The following SFXN2 variants were observed in gnomAD, a reference collection of about 807,000 sequenced individuals.
SFXN2 encodes sideroflexin-2.
A neutral mutation model predicts 41.9 loss-of-function variants in SFXN2; 37 were observed. That is an observed-to-expected ratio of 0.88 (90% CI 0.68 to 1.16). The LOEUF (loss-of-function observed/expected upper bound fraction) is 1.16. Among genes scored for constraint, SFXN2 ranks in the 50% most tolerant of loss-of-function variants. The pLI is 0.00. For synonymous variants in SFXN2, 150 were observed against 156.7 expected, an observed-to-expected ratio of 0.96 and a Z score of 0.32; for missense variants, 386 against 425.2, an observed-to-expected ratio of 0.91 and a Z score of 0.81.
At chr10:102,731,817 G>A in intron 7 of SFXN2, 34 bp downstream of exon 7, 1 of 1,596,394 alleles carries the variant, frequency 6.3e-7, no homozygotes, top group Non-Finnish European at 8.6e-7. Flanking sequence ...GTGGGAGGAG[G>A]GAATTCCCTC....
intron 4 of SFXN2, among the ~76,000 whole-genome samples, chr10:102,729,004 AGAC>A (rs1318453232): frequency 6.6e-6 from 1 of 152,170 alleles, no homozygotes; most frequent in African/African-American, 2.4e-5. Flanking sequence ...CCATCTGTGA[AGAC>A]GACATTTCAA....
rs1554870819 is a variant in SFXN2 at position 102,739,494 on chromosome 10, A to AGAGTTGTAAAACGGAACAACAG, written c.*1743_*1744insCGGAACAACAGGAGTTGTAAAA. 1 of 151,448 alleles carries AGAGTTGTAAAACGGAACAACAG rather than the reference A, an allele frequency of 6.6e-6. No individual in the cohort carries two copies. Among genetic ancestry groups the AGAGTTGTAAAACGGAACAACAG allele is most frequent in the Non-Finnish European group, 1.5e-5 (1 of 67,848 alleles). The allele number at this position is 151,448 out of a possible 1,614,324, so 9.4% of individuals were successfully genotyped here. Reference sequence around the variant, plus strand: ...GCTAAGAATGTTTTTACATTTTTAAAGAGTTGTAAAAGGGAACAACAGGAA... The same window carrying AGAGTTGTAAAACGGAACAACAG: ...GCTAAGAATGTTTTTACATTTTTAAAGAGTTGTAAAACGGAACAACAGGAGTTGTAAAAGGGAACAACAGGAA... On this transcript the variant is annotated 3_prime_UTR_variant, in exon 12 of 12. Transcript: ENST00000369893.
intron 1 of SFXN2, among the ~76,000 whole-genome samples, chr10:102,722,036 T>G (rs2064516697): frequency 6.6e-6 from 1 of 152,166 alleles, no homozygotes; most frequent in African/African-American, 2.4e-5. Context: ...GTCCAGCTGG[T>G]CTCCCTGCAT....
intron 1 of SFXN2, among the ~76,000 whole-genome samples, chr10:102,724,284 C>T (rs1264071148): frequency 6.6e-6 from 1 of 152,222 alleles, no homozygotes; most frequent in Non-Finnish European, 1.5e-5. Context: ...ACAATTTCTA[C>T]TGACACGTGT....
intron 1 of SFXN2, chr10:102,716,657 C>T (rs1354781553): frequency 6.7e-6 from 1 of 150,138 alleles, no homozygotes; most frequent in Non-Finnish European, 1.5e-5. Flanking sequence ...CAACCTCCAC[C>T]TCTCGGGTTC....
chr10:102,726,350 G>A (rs956326060), intron 1 of SFXN2: 1 of 381,346 alleles, frequency 2.6e-6, no homozygotes, highest in Non-Finnish European at 4.8e-6. Context: ...AGCTCTCCAA[G>A]CACAGGCACT....
intron 1 of SFXN2, among the ~76,000 whole-genome samples, chr10:102,725,774 T>A (rs993530634): frequency 3.9e-5 from 6 of 152,006 alleles, no homozygotes; most frequent in African/African-American, 1.5e-4. Flanking sequence ...GTGCCTGTAG[T>A]CCCAGTTACT....
intron 8 of SFXN2, 27 bp from the exon 9 acceptor site, chr10:102,732,832 C>A: frequency 6.2e-7 from 1 of 1,614,014 alleles, no homozygotes; most frequent in East Asian, 2.2e-5. Context: ...CCAGCCCTCC[C>A]CTCAGCTTCT....
chr10:102,729,345 C>A lies in SFXN2; in HGVS notation c.458C>A (p.Ala153Asp). 6.2e-7 allele frequency: 1 copy of A among 1,614,202 alleles called. No homozygotes were observed. Among genetic ancestry groups the A allele is most frequent in the Non-Finnish European group, 8.5e-7 (1 of 1,180,030 alleles). The part of the protein sequence containing the change: ...VRQMALSYFT[A>D]TTTAVATAVG... Reference sequence around the variant, plus strand: ...CAGATGGCCCTTTCCTACTTCACAGCCACAACCACTGCTGTGGCCACGGCT... The same window carrying A: ...CAGATGGCCCTTTCCTACTTCACAGACACAACCACTGCTGTGGCCACGGCT... Residue 153 changes from alanine to aspartate, a missense_variant, in exon 5 of 12, where the codon GCC (alanine) becomes GAC (aspartate). By Grantham distance (126) the Ala-to-Asp change is moderately radical (BLOSUM62 -2). Coordinates refer to ENST00000369893, the MANE Select transcript of SFXN2 (RefSeq NM_178858.6).
chr10:102,728,258 C>T (rs1808747427), intron 3 of SFXN2, among the ~76,000 whole-genome samples, 173 bp from the exon 4 acceptor site: 3 of 152,158 alleles, frequency 2.0e-5, no homozygotes, highest in South Asian at 2.1e-4. Flanking sequence ...GAGATCGTAC[C>T]ACTGCACTCC....
At chr10:102,733,047 A>G (rs1440095170) in intron 9 of SFXN2, 139 bp downstream of exon 9, 14 of 828,504 alleles carry the variant, frequency 1.7e-5, no homozygotes, top group African/African-American at 5.0e-5. Flanking sequence ...GCCCACACCA[A>G]TCTCCACTGA....
At chr10:102,735,740 A>G (rs1374231065) in intron 10 of SFXN2, 122 bp from the exon 11 acceptor site, 1 of 925,720 alleles carries the variant, frequency 1.1e-6, no homozygotes, top group Non-Finnish European at 1.8e-6. Context: ...GAGGGAGAGG[A>G]TATGGTGCCA....
At chr10:102,720,531 C>A (rs2064494429) in intron 1 of SFXN2, among the ~76,000 whole-genome samples, 1 of 151,478 alleles carries the variant, frequency 6.6e-6, no homozygotes, top group Non-Finnish European at 1.5e-5. Context: ...TCGTTTGAGC[C>A]TGGGAGGTGG....
At position 102,729,809 on chromosome 10, in the gene SFXN2, G is replaced by A. The variant is rs2064674597; in HGVS notation, c.593+1G>A. The A allele has an allele frequency of 1.9e-6, 3 of 1,613,964 alleles. No individual in the cohort carries two copies. The highest frequency in any genetic ancestry group is 2.5e-6 in the Non-Finnish European group (3 of 1,180,006). On this transcript the variant is annotated splice_donor_variant, in intron 6 of 11. Coordinates refer to ENST00000369893, the MANE Select transcript of SFXN2 (RefSeq NM_178858.6). LOFTEE classifies it high-confidence loss of function. The stretch of plus-strand genomic sequence containing the variant: ...TCAATATCCCCATGATGCGACAGCA[G>A]TGAGTAAAGGCCCCTTTTTCTCCCT...
intron 10 of SFXN2, among the ~76,000 whole-genome samples, chr10:102,735,164 C>T (rs1432656941): frequency 3.4e-5 from 5 of 148,666 alleles, no homozygotes; most frequent in Admixed American, 2.0e-4. Flanking sequence ...CCCTCCTCAT[C>T]CCTCCTCCCC....
chr10:102,727,223 T>C (rs192035799), intron 3 of SFXN2, 66 bp downstream of exon 3: 1 of 1,494,632 alleles, frequency 6.7e-7, no homozygotes, highest in South Asian at 1.3e-5. Context: ...GGAGCCATAC[T>C]ATGATAATAA....
Position 102,728,491 on chromosome 10 carries a change from CT to C in SFXN2, c.394del (p.Tyr132ThrfsTer33). 6.2e-7 allele frequency: 1 copy of C among 1,613,920 alleles called. No homozygotes were observed. The highest frequency in any genetic ancestry group is 8.5e-7 in the Non-Finnish European group (1 of 1,179,898). On this transcript the variant is annotated frameshift_variant, in exon 4 of 12. Coordinates refer to ENST00000369893, the MANE Select transcript of SFXN2 (RefSeq NM_178858.6). LOFTEE classifies it high-confidence loss of function. Reference sequence around the variant, plus strand: ...ACCAGTCCTTCAATGCCTTAGTCAACTACACCAACAGGAATGCGGCTTCCCC... The same window carrying C: ...ACCAGTCCTTCAATGCCTTAGTCAACACACCAACAGGAATGCGGCTTCCCC... ...VNQSFNALVN[Y>X]TNRNAASPTS... is the part of the protein sequence containing the mutation.
At position 102,743,236 on chromosome 10, in the gene SFXN2, G is replaced by C. The variant is rs897853961; in HGVS notation, c.*5474G>C. 5 of 152,324 alleles carry C rather than the reference G, an allele frequency of 3.3e-5. No homozygotes were observed. Among genetic ancestry groups the C allele is most frequent in the African/African-American group, 1.2e-4 (5 of 41,450 alleles). The allele number at this position is 152,324 out of a possible 1,614,324, so 9.4% of individuals were successfully genotyped here. A position where few individuals can be genotyped will look rare whatever the true frequency, so the allele number is the denominator to read the frequency against. ...AATTGTCAACTTGCAGGGCAGCAGG[G>C]AAGCCATTTGTATTTAGCTAGAAGA... On this transcript the variant is annotated 3_prime_UTR_variant, in exon 12 of 12. Transcript: ENST00000369893.
rs1175194167 is a variant in SFXN2, at chr10:102,742,428, T to TG, written c.*4669dup. ...CGCCCACCTCGGCCTCCCAAAGTGC[T>TG]GGGATTACAGGCAGGAGCCACCGCA... On this transcript the variant is annotated 3_prime_UTR_variant, in exon 12 of 12. Coordinates refer to ENST00000369893, the MANE Select transcript of SFXN2 (RefSeq NM_178858.6). 6.6e-6 allele frequency: 1 copy of TG among 152,054 alleles called. No homozygotes were observed. Among genetic ancestry groups the TG allele is most frequent in the Non-Finnish European group, 1.5e-5 (1 of 68,348 alleles). 9.4% of individuals were successfully genotyped at this position (152,054 alleles called of 1,614,324 possible).
Sources: allele counts gnomAD v4.1 joint callset (sites outside exome capture counted in the v4.1 genomes callset), GRCh38; gene constraint gnomAD v4.1.1; transcripts MANE v1.5; gene names NCBI Gene and HGNC (gene_info 2026-07-23, HGNC 2026-07-21).